The following OGT variants were observed in gnomAD, a reference collection of about 807,000 sequenced individuals.
OGT encodes UDP-N-acetylglucosamine--peptide N-acetylglucosaminyltransferase 110 kDa subunit.
OGT carries 3 observed loss-of-function variants against 75.8 expected under a neutral mutation model. The ratio of observed to expected loss-of-function variants is 0.04; its 90% confidence interval spans 0.02 to 0.10. OGT has a LOEUF of 0.10. Among genes scored for constraint, OGT ranks in the 10% least tolerant of loss-of-function variants. The pLI is 1.00. For synonymous variants in OGT, 257 were observed against 289.7 expected, an observed-to-expected ratio of 0.89 and a Z score of 1.15; for missense variants, 260 against 824.4, an observed-to-expected ratio of 0.32 and a Z score of 8.38.
intron 6 of OGT, among the ~76,000 whole-genome samples, 170 bp downstream of exon 6, chrX:71,554,762 CCTGA>C (rs767844950): frequency 8.9e-6 from 1 of 112,252 alleles, no homozygotes; most frequent in Admixed American, 9.5e-5. Flanking sequence ...TTGTTCGTTG[CCTGA>C]CTTTTTGTTG....
chrX:71,546,261 A>G (rs1451075495), intron 4 of OGT: 21 of 752,530 alleles, frequency 2.8e-5, no homozygotes, highest in East Asian at 1.5e-4. Flanking sequence ...AAGAATTTCA[A>G]TTGCTTTGTT....
chrX:71,538,506 T>C (rs2040195707), intron 3 of OGT, among the ~76,000 whole-genome samples: 1 of 112,467 alleles, frequency 8.9e-6, no homozygotes, highest in Non-Finnish European at 1.9e-5. Context: ...AAAATTAGGC[T>C]ACAAAATTTC....
Sources: gnomAD v4.1 joint callset for allele counts (sites outside exome capture counted in the v4.1 genomes callset) on GRCh38, gnomAD v4.1.1 for gene constraint, MANE v1.5 for transcripts, NCBI Gene and HGNC (gene_info 2026-07-23, HGNC 2026-07-21) for gene names.